Variants in CDH22 observed in about 807,000 individuals in gnomAD.
CDH22 encodes cadherin-22.
In CDH22, 30 loss-of-function variants were observed where a neutral mutation model predicts 58.4. The observed-to-expected ratio is 0.51, with a 90% CI of 0.38 to 0.70. CDH22 has a LOEUF of 0.70. CDH22 is among the 30% of genes least tolerant of loss of function. The probability of loss-of-function intolerance (pLI) is 0.00; values close to 1 mark genes in which losing one functional copy is unlikely to be tolerated. For missense variants in CDH22, 1,014 were observed against 1,233.9 expected (o/e 0.82, Z 2.67); for synonymous variants, 513 against 558.2 (o/e 0.92, Z 1.14).
chr20:46,241,527 G>T lies in CDH22; in HGVS notation c.256-270C>A, dbSNP rs140568372. Among the ~76,000 whole-genome samples, 57 of 152,188 alleles carry T rather than the reference G, an allele frequency of 3.7e-4. No homozygotes were observed. The highest frequency in any genetic ancestry group is 6.8e-4 in the Non-Finnish European group (46 of 67,998). ...AGCCTTGGAGGCAGATCTGAACATG[G>T]CCTCCCTGCTTACAACCCTCCAGTG... On this transcript the variant is annotated intron_variant, in intron 2 of 11. Transcript: ENST00000537909. The surrounding 1 kb of genome is among the most constrained non-coding windows in gnomAD (Gnocchi z 5.2).
At chr20:46,253,563 C>A (rs2086391571) in intron 1 of CDH22, among the ~76,000 whole-genome samples, 1 of 152,188 alleles carries the variant, frequency 6.6e-6, no homozygotes, top group Non-Finnish European at 1.5e-5. Flanking sequence ...GCTTCCCAAC[C>A]CTGGCAGCCC....
At position 46,175,190 on chromosome 20, in the gene CDH22, A is replaced by G. The variant is rs2085730028; in HGVS notation, c.1916-113T>C. ...ACCCAGCAGAGCGGGCCCAGCCTCAACATTCCTACAGATTTCCTGGATTTC... is the reference window on the plus strand; with the variant it reads ...ACCCAGCAGAGCGGGCCCAGCCTCAGCATTCCTACAGATTTCCTGGATTTC... On this transcript the variant is annotated intron_variant, in intron 11 of 11. Transcript: ENST00000537909. The G allele has an allele frequency of 6.2e-6, 6 of 975,474 alleles. 1 individual carries two copies. In the South Asian group the frequency reaches 1.0e-4, roughly 16 times the overall value. The allele number at this position is 975,474 out of a possible 1,614,324, so 60.4% of individuals were successfully genotyped here. A position where few individuals can be genotyped will look rare whatever the true frequency, so the allele number is the denominator to read the frequency against.
At chr20:46,221,070 G>A (rs2086121448) in intron 4 of CDH22, among the ~76,000 whole-genome samples, 1 of 152,112 alleles carries the variant, frequency 6.6e-6, no homozygotes, top group South Asian at 2.1e-4. Context: ...TGAGACCATT[G>A]TACTGTGAAG....
intron 10 of CDH22, among the ~76,000 whole-genome samples, chr20:46,180,926 T>TTGTGTGTGTGTGTGTG (rs11471209): frequency 4.2e-5 from 6 of 142,494 alleles, no homozygotes; most frequent in African/African-American, 1.3e-4. Flanking sequence ...AAAGTTTGTT[T>TTGTGTGTGTGTGTGTG]TGTGTGTGTG....
In CDH22 at chr20:46,178,042, T is replaced by A; in HGVS notation, c.1819A>T (p.Thr607Ser). The change falls in exon 11 of 12, where the codon ACC becomes TCC. Residue 607 changes from threonine to serine, a missense_variant. Transcript: ENST00000537909. ...GCCGTGGTGTTGCAGGACTGGATGG[T>A]GCCGGAGCTGTCGCAGCCACAGATG... ...IRICGCDSSGTIQSCNTTAFV... is the reference protein window; with the variant it reads ...IRICGCDSSGSIQSCNTTAFV... The A allele has an allele frequency of 6.2e-7, 1 of 1,613,232 alleles. No individual in the cohort carries two copies.
intron 1 of CDH22, among the ~76,000 whole-genome samples, chr20:46,253,018 G>A (rs2086388413): frequency 6.6e-6 from 1 of 152,222 alleles, no homozygotes; most frequent in Non-Finnish European, 1.5e-5. Context: ...CCAGTTTGGG[G>A]AGTTAGATTG....
At chr20:46,242,742 A>C (rs3915737) in intron 2 of CDH22, among the ~76,000 whole-genome samples, 45,298 of 151,970 alleles carry the variant, frequency 0.3, 7,052 homozygotes, top group African/African-American at 0.4. Flanking sequence ...TTTTAACAAC[A>C]AGTACAACTG....
chr20:46,246,325 T>G (rs2145731973), intron 2 of CDH22, among the ~76,000 whole-genome samples: 1 of 152,334 alleles, frequency 6.6e-6, no homozygotes, highest in East Asian at 1.9e-4. Flanking sequence ...GCAACTTAAT[T>G]AAATCTGCTC....
In CDH22 at chr20:46,216,712, G is replaced by T; in HGVS notation, c.838+114C>A. ...ACAGACAGACAGACAGAAAGAGAGG[G>T]GGAAGCCCTTCTTTTGGTGGGAAGT... is the stretch of plus-strand genomic sequence containing the variant. On this transcript the variant is annotated intron_variant, in intron 5 of 11. Transcript: ENST00000537909. The surrounding 1 kb of genome is among the most constrained non-coding windows in gnomAD (Gnocchi z 5.3). 1 of 995,344 alleles carries T rather than the reference G, an allele frequency of 1.0e-6. No homozygotes were observed. Among genetic ancestry groups the T allele is most frequent in the Non-Finnish European group, 1.5e-6 (1 of 656,332 alleles). 61.7% of individuals were successfully genotyped at this position (995,344 alleles called of 1,614,324 possible).
intron 10 of CDH22, among the ~76,000 whole-genome samples, chr20:46,182,597 T>A (rs893439915): frequency 6.6e-6 from 1 of 152,156 alleles, no homozygotes; most frequent in African/African-American, 2.4e-5. Context: ...TCCCCAGGCA[T>A]CAACCCTGAA....
rs1272671071 is a variant in CDH22 at position 46,266,469 on chromosome 20, T to C, written c.-399-14776A>G. 3.3e-5 allele frequency among the ~76,000 whole-genome samples: 5 copies of C among 152,240 alleles called. No individual in the cohort carries two copies. The East Asian group carries it at 9.6e-4, about 29-fold the overall frequency. Reference sequence around the variant, plus strand: ...AGGCTGGTGTGTGTCTGGGGCCTCCTAGGAGCCATTACAGAGCAGGTTTGG... The same window carrying C: ...AGGCTGGTGTGTGTCTGGGGCCTCCCAGGAGCCATTACAGAGCAGGTTTGG... On this transcript the variant is annotated intron_variant, in intron 1 of 11. Coordinates refer to ENST00000537909, the MANE Select transcript of CDH22 (RefSeq NM_021248.3).
chr20:46,264,853 GCA>G (rs1228290826), intron 1 of CDH22, among the ~76,000 whole-genome samples: 99 of 147,910 alleles, frequency 6.7e-4, no homozygotes, highest in African/African-American at 2.2e-3. Flanking sequence ...CACACACCGT[GCA>G]CACACACACA....
chr20:46,252,642 CCTT>C (rs1254514106), intron 1 of CDH22, among the ~76,000 whole-genome samples: 1 of 152,216 alleles, frequency 6.6e-6, no homozygotes, highest in East Asian at 1.9e-4. Context: ...CCCCACTTCT[CCTT>C]CTCCTGATCC....
At chr20:46,279,393 G>A (rs962764476) in intron 1 of CDH22, among the ~76,000 whole-genome samples, 4 of 152,156 alleles carry the variant, frequency 2.6e-5, no homozygotes, top group African/African-American at 9.7e-5. Flanking sequence ...CGGGTCCATC[G>A]CTAAGGGAGT....
At chr20:46,184,508 T>C (rs2085811015) in intron 10 of CDH22, among the ~76,000 whole-genome samples, 1 of 152,154 alleles carries the variant, frequency 6.6e-6, no homozygotes. Flanking sequence ...CTTGTGGAGA[T>C]TGCATTATTC....
chr20:46,252,624 G>C (rs2086385142), intron 1 of CDH22, among the ~76,000 whole-genome samples: 2 of 152,146 alleles, frequency 1.3e-5, no homozygotes, highest in Non-Finnish European at 2.9e-5. Flanking sequence ...GGAGGTGAGG[G>C]GCTCAATCCC....
intron 1 of CDH22, among the ~76,000 whole-genome samples, chr20:46,301,959 C>T (rs369177171): frequency 1.3e-5 from 2 of 152,192 alleles, no homozygotes; most frequent in African/African-American, 2.4e-5. Context: ...TCCCCACCAG[C>T]GGGTGCATCC....
rs1353549766 is a variant in CDH22 at position 46,198,327 on chromosome 20, CACACAT to C, written c.1423+1090_1423+1095del. Among the ~76,000 whole-genome samples, 616 of 150,446 alleles carry C rather than the reference CACACAT, an allele frequency of 4.1e-3. 3 individuals carry two copies. The highest frequency in any genetic ancestry group is 0.012 in the African/African-American group (496 of 40,232). On this transcript the variant is annotated intron_variant, in intron 8 of 11. Transcript: ENST00000537909. ...ACACACACACACACACACACACACA[CACACAT>C]ATTCTTCCAGAAACTCAGGCCAAAC...
At chr20:46,219,862 T>C (rs1453467274) in intron 4 of CDH22, 2 of 152,098 alleles carry the variant, frequency 1.3e-5, no homozygotes, top group Non-Finnish European at 2.9e-5. Context: ...GTCACACGTG[T>C]AGAAAGTGCA....
Sources: allele counts gnomAD v4.1 joint callset (sites outside exome capture counted in the v4.1 genomes callset), GRCh38; gene constraint gnomAD v4.1.1; non-coding constraint Gnocchi (gnomAD v3.1); transcripts MANE v1.5; gene names NCBI Gene and HGNC (gene_info 2026-07-23, HGNC 2026-07-21).